SKAP1: variants seen among roughly 807,000 people sequenced by gnomAD.
SKAP1 encodes the protein src kinase-associated phosphoprotein 1.
SKAP1 carries 44 observed loss-of-function variants against 58.5 expected under a neutral mutation model. That is an observed-to-expected ratio of 0.75 (90% CI 0.59 to 0.97). SKAP1 has a LOEUF of 0.97. Among genes scored for constraint, SKAP1 ranks in the 50% least tolerant of loss-of-function variants. The pLI is 0.00. For synonymous variants in SKAP1, 127 were observed against 149.7 expected (o/e 0.85, Z 1.11); for missense variants, 390 against 435.2 (o/e 0.90, Z 0.92).
intron 4 of SKAP1, among the ~76,000 whole-genome samples, chr17:48,195,342 C>T (rs1289299524): frequency 6.6e-6 from 1 of 152,160 alleles, no homozygotes; most frequent in Non-Finnish European, 1.5e-5. Context: ...AATGACTATT[C>T]CTTGATTAGT....
At chr17:48,315,619 T>C (rs889484903) in intron 4 of SKAP1, among the ~76,000 whole-genome samples, 2 of 152,200 alleles carry the variant, frequency 1.3e-5, no homozygotes, top group African/African-American at 2.4e-5. Flanking sequence ...ATACTAATAA[T>C]TCATTAATAT....
intron 11 of SKAP1, among the ~76,000 whole-genome samples, chr17:48,149,652 T>C (rs1428558493): frequency 2.0e-5 from 3 of 152,202 alleles, no homozygotes; most frequent in South Asian, 4.2e-4. Flanking sequence ...GGTGGGGTCA[T>C]GGTAAGGTCG....
the SKAP1 span, among the ~76,000 whole-genome samples, chr17:48,444,745 G>C: frequency 3.9e-3 from 591 of 152,284 alleles, 2 homozygotes; most frequent in African/African-American, 0.014. Context: ...GAAGGCTCCT[G>C]AGCAGGTTAG....
chr17:48,360,914 T>C (rs778014013), intron 3 of SKAP1, among the ~76,000 whole-genome samples: 1 of 152,046 alleles, frequency 6.6e-6, no homozygotes, highest in Non-Finnish European at 1.5e-5. Flanking sequence ...ACTACTAATC[T>C]TCAACAACCT....
chr17:48,170,726 T>TTC, intron 9 of SKAP1, 67 bp from the exon 10 acceptor site: 40 of 1,290,748 alleles, frequency 3.1e-5, no homozygotes, highest in South Asian at 6.3e-5. Context: ...TTTTTTTTTT[T>TTC]CGAGATAGAG....
At chr17:48,363,578 T>G (rs959751628) in intron 3 of SKAP1, among the ~76,000 whole-genome samples, 1 of 152,246 alleles carries the variant, frequency 6.6e-6, no homozygotes, top group South Asian at 2.1e-4. Context: ...CTAGCAACAG[T>G]CCACTCAGAA....
chr17:48,426,375 A>C (rs2067853617), intron 1 of SKAP1, among the ~76,000 whole-genome samples: 1 of 152,238 alleles, frequency 6.6e-6, no homozygotes, highest in Non-Finnish European at 1.5e-5. Flanking sequence ...CCTATCAGCT[A>C]CCAGGGTAAT....
At chr17:48,330,326 G>T (rs2066489650) in intron 4 of SKAP1, among the ~76,000 whole-genome samples, 1 of 151,958 alleles carries the variant, frequency 6.6e-6, no homozygotes, top group Non-Finnish European at 1.5e-5. Context: ...CATTATTTGG[G>T]AGTTTTTACT....
chr17:48,390,483 G>C (rs2067331547), intron 2 of SKAP1, among the ~76,000 whole-genome samples: 2 of 152,106 alleles, frequency 1.3e-5, no homozygotes, highest in South Asian at 4.1e-4. Context: ...AAGGACACAG[G>C]ATTTTCTGAA....
intron 7 of SKAP1, 133 bp downstream of exon 7, chr17:48,184,590 A>T (rs571214204): frequency 1.3e-4 from 146 of 1,110,760 alleles, no homozygotes; most frequent in Middle Eastern, 4.8e-4. Flanking sequence ...GCCAAGAAAT[A>T]GGGTCTTCGT....
At chr17:48,414,927 T>G (rs963766250) in intron 1 of SKAP1, among the ~76,000 whole-genome samples, 1 of 152,232 alleles carries the variant, frequency 6.6e-6, no homozygotes, top group African/African-American at 2.4e-5. Context: ...TAGAGGAGAA[T>G]GACATCTTAT....
intron 4 of SKAP1, among the ~76,000 whole-genome samples, chr17:48,241,457 A>G (rs1315090929): frequency 1.3e-5 from 2 of 152,220 alleles, no homozygotes; most frequent in Non-Finnish European, 2.9e-5. Context: ...TTGGGCTGAC[A>G]GCTCATGAAC....
intron 4 of SKAP1, among the ~76,000 whole-genome samples, chr17:48,324,192 T>C (rs1265750770): frequency 6.6e-6 from 1 of 152,144 alleles, no homozygotes; most frequent in Non-Finnish European, 1.5e-5. Context: ...TTTTGGTATA[T>C]GTCCTTTCCA....
chr17:48,397,010 G>C, intron 1 of SKAP1: 2 of 207,466 alleles, frequency 9.6e-6, no homozygotes, highest in Non-Finnish European at 1.7e-5. Context: ...TAGTTAAGAT[G>C]GTAAAATTTA....
chr17:48,441,559 G>A, the SKAP1 span, among the ~76,000 whole-genome samples: 1 of 152,152 alleles, frequency 6.6e-6, no homozygotes, highest in African/African-American at 2.4e-5. Context: ...CCAAAAGAGA[G>A]AAGATTCTAA....
chr17:48,182,657 A>G (rs1222907720), intron 7 of SKAP1, among the ~76,000 whole-genome samples, 200 bp from the exon 8 acceptor site: 1 of 152,220 alleles, frequency 6.6e-6, no homozygotes, highest in Non-Finnish European at 1.5e-5. Context: ...GCATACCCAG[A>G]GATGACAGCT....
intron 4 of SKAP1, among the ~76,000 whole-genome samples, chr17:48,303,413 C>T (rs1225055761): frequency 6.6e-6 from 1 of 152,186 alleles, no homozygotes. Context: ...ACCTTAATGC[C>T]TATGCAATTC....
At chr17:48,358,721 G>A (rs1003152059) in intron 3 of SKAP1, among the ~76,000 whole-genome samples, 68 of 152,256 alleles carry the variant, frequency 4.5e-4, no homozygotes, top group African/African-American at 1.6e-3. Flanking sequence ...CCTACTTTGA[G>A]ACATAATATT....
intron 2 of SKAP1, among the ~76,000 whole-genome samples, chr17:48,394,262 G>A (rs1215478717): frequency 6.6e-6 from 1 of 151,914 alleles, no homozygotes; most frequent in Non-Finnish European, 1.5e-5. Flanking sequence ...TGACTAAAAA[G>A]AAACCCTTTT....
Sources: allele counts gnomAD v4.1 joint callset (sites outside exome capture counted in the v4.1 genomes callset), GRCh38; gene constraint gnomAD v4.1.1; transcripts MANE v1.5; gene names NCBI Gene and HGNC (gene_info 2026-07-23, HGNC 2026-07-21).